NIPAL2: variants seen among roughly 807,000 people sequenced by gnomAD.
The protein encoded by NIPAL2 is NIPA like domain containing 2.
A neutral mutation model predicts 48.9 loss-of-function variants in NIPAL2; 43 were observed. The ratio of observed to expected loss-of-function variants is 0.88; its 90% CI spans 0.69 to 1.13. The LOEUF (loss-of-function observed/expected upper bound fraction) is 1.13, where lower values mean the gene tolerates loss of function less well. Ranked by LOEUF, NIPAL2 falls within the 50% of genes most tolerant of loss-of-function variation. The pLI, the probability that NIPAL2 is intolerant of heterozygous loss-of-function variation, is 0.00. For synonymous variants in NIPAL2, 167 were observed against 174.6 expected, an observed-to-expected ratio of 0.96 and a Z score of 0.34; for missense variants, 446 against 461.4, an observed-to-expected ratio of 0.97 and a Z score of 0.31.
At chr8:98,285,351 C>T (rs772071215) in intron 1 of NIPAL2, among the ~76,000 whole-genome samples, 3 of 152,184 alleles carry the variant, frequency 2.0e-5, no homozygotes, top group East Asian at 1.9e-4. Flanking sequence ...CAGTCCTTCT[C>T]AAGGGTGCCC....
chr8:98,215,903 C>G (rs1292140634), intron 5 of NIPAL2, among the ~76,000 whole-genome samples: 1 of 152,040 alleles, frequency 6.6e-6, no homozygotes, highest in Non-Finnish European at 1.5e-5. Flanking sequence ...GTGGGAAAAA[C>G]CTCAATTAAT....
chr8:98,253,956 A>G, intron 2 of NIPAL2, 63 bp downstream of exon 2: 2 of 1,112,810 alleles, frequency 1.8e-6, no homozygotes, highest in Non-Finnish European at 2.6e-6. Context: ...CCCAATGCCC[A>G]TGAGAGTCAT....
chr8:98,232,170 T>C (rs1812471143), intron 4 of NIPAL2, among the ~76,000 whole-genome samples: 1 of 152,216 alleles, frequency 6.6e-6, no homozygotes, highest in South Asian at 2.1e-4. Flanking sequence ...ACATCTCAGA[T>C]GATGATAATC....
chr8:98,193,331 G>A, intron 10 of NIPAL2: 1 of 1,587,920 alleles, frequency 6.3e-7, no homozygotes, highest in Non-Finnish European at 8.6e-7. Flanking sequence ...CTACATGCTG[G>A]CCATGGAAAT....
rs1810368774 is a variant in NIPAL2 at position 98,193,014 on chromosome 8, T to A, written c.1116A>T (p.Ser372=). The A allele has an allele frequency of 6.2e-7, 1 of 1,614,014 alleles. No individual in the cohort carries two copies. Among genetic ancestry groups the A allele is most frequent in the South Asian group, 1.1e-5 (1 of 91,082 alleles). ...TCTTCTCTCCACTTTGGCTCTTTGTTGAGTCACTTCCATCAGGCAAAGTTC... is the reference window on the plus strand; with the variant it reads ...TCTTCTCTCCACTTTGGCTCTTTGTAGAGTCACTTCCATCAGGCAAAGTTC... ...SYGTLPDGSD[S]TKSQSGEKKE... is the part of the protein sequence containing the mutation. Residue 372 remains serine (S), a synonymous_variant, in exon 11 of 11, where the codon TCA becomes TCT. Transcript: ENST00000430223.
chr8:98,209,602 A>T (rs1225203957), intron 6 of NIPAL2, among the ~76,000 whole-genome samples: 2 of 152,080 alleles, frequency 1.3e-5, no homozygotes, highest in African/African-American at 4.8e-5. Flanking sequence ...TGGGTGACAG[A>T]GCAAGGCTCT....
chr8:98,288,070 A>C (rs988610133), intron 1 of NIPAL2, among the ~76,000 whole-genome samples: 2 of 152,104 alleles, frequency 1.3e-5, no homozygotes, highest in African/African-American at 4.8e-5. Context: ...TTTAAGTTTT[A>C]GGGTACATGT....
intron 1 of NIPAL2, among the ~76,000 whole-genome samples, chr8:98,277,008 G>T (rs185975056): frequency 6.6e-6 from 1 of 151,700 alleles, no homozygotes; most frequent in Admixed American, 6.6e-5. Context: ...GACCTGAAGT[G>T]ATCTGCTCGC....
At chr8:98,282,902 G>A (rs776572805) in intron 1 of NIPAL2, among the ~76,000 whole-genome samples, 2 of 152,168 alleles carry the variant, frequency 1.3e-5, no homozygotes, top group Non-Finnish European at 2.9e-5. Context: ...GTCAGGAGCA[G>A]ATTTTTAATT....
intron 5 of NIPAL2, among the ~76,000 whole-genome samples, chr8:98,215,903 C>T (rs1292140634): frequency 6.6e-6 from 1 of 152,040 alleles, no homozygotes; most frequent in Non-Finnish European, 1.5e-5. Context: ...GTGGGAAAAA[C>T]CTCAATTAAT....
At chr8:98,196,028 A>G (rs1012575329) in intron 8 of NIPAL2, 23 bp from the exon 9 acceptor site, 12 of 1,452,922 alleles carry the variant, frequency 8.3e-6, no homozygotes, top group Admixed American at 6.2e-5. Flanking sequence ...AAAAGAAGAC[A>G]AAATTGATTT....
At chr8:98,265,217 A>T (rs1461369576) in intron 1 of NIPAL2, among the ~76,000 whole-genome samples, 1 of 151,412 alleles carries the variant, frequency 6.6e-6, no homozygotes, top group Non-Finnish European at 1.5e-5. Context: ...GGACATAGGC[A>T]TGGGCAAGGA....
chr8:98,199,920 T>C (rs1428927788), intron 8 of NIPAL2, among the ~76,000 whole-genome samples: 1 of 152,152 alleles, frequency 6.6e-6, no homozygotes, highest in African/African-American at 2.4e-5. Context: ...AGAGATTTTC[T>C]TGGTCCTCCA....
At position 98,193,021 on chromosome 8, in the gene NIPAL2, C is replaced by T. The variant is rs1200411745; in HGVS notation, c.1109G>A (p.Ser370Asn). 1 of 1,613,988 alleles carries T rather than the reference C, an allele frequency of 6.2e-7. No individual in the cohort carries two copies. The highest frequency in any genetic ancestry group is 1.3e-5 in the African/African-American group (1 of 74,944). ...SLSYGTLPDG[S>N]DSTKSQSGEK... ...TCCACTTTGGCTCTTTGTTGAGTCACTTCCATCAGGCAAAGTTCCATAGGA... is the reference window on the plus strand; with the variant it reads ...TCCACTTTGGCTCTTTGTTGAGTCATTTCCATCAGGCAAAGTTCCATAGGA... Residue 370 changes from serine (S) to asparagine (N), a missense_variant, in exon 11 of 11, where the codon AGT becomes AAT. Physicochemically the swap from Ser to Asn is conservative, Grantham distance 46 (BLOSUM62 1). Transcript: ENST00000430223.
chr8:98,200,228 G>A (rs1463727385), intron 8 of NIPAL2, among the ~76,000 whole-genome samples: 1 of 152,138 alleles, frequency 6.6e-6, no homozygotes, highest in African/African-American at 2.4e-5. Flanking sequence ...GGTTCATACT[G>A]TTTTGCAACC....
intron 8 of NIPAL2, among the ~76,000 whole-genome samples, chr8:98,198,780 C>T (rs1810672787): frequency 6.6e-6 from 1 of 152,126 alleles, no homozygotes; most frequent in African/African-American, 2.4e-5. Context: ...AGAGTTACGG[C>T]CTTGCTCTGG....
chr8:98,214,950 C>A (rs1811502633), intron 5 of NIPAL2, among the ~76,000 whole-genome samples: 1 of 152,172 alleles, frequency 6.6e-6, no homozygotes, highest in African/African-American at 2.4e-5. Context: ...AATTTCTGTC[C>A]ATTTCACCAA....
At chr8:98,202,588 G>A (rs1185557445) in intron 8 of NIPAL2, among the ~76,000 whole-genome samples, 4 of 152,166 alleles carry the variant, frequency 2.6e-5, no homozygotes, top group Non-Finnish European at 5.9e-5. Flanking sequence ...CTTGCTATGT[G>A]ACGTGTCTGT....
At chr8:98,195,832 T>C (rs112287492) in intron 9 of NIPAL2, 110 bp downstream of exon 9, 21 of 693,634 alleles carry the variant, frequency 3.0e-5, no homozygotes, top group Non-Finnish European at 4.6e-5. Context: ...CTCAGGAAAC[T>C]GATGTTTCTT....
Sources: allele counts gnomAD v4.1 joint callset (sites outside exome capture counted in the v4.1 genomes callset), GRCh38; gene constraint gnomAD v4.1.1; transcripts MANE v1.5; gene names NCBI Gene and HGNC (gene_info 2026-07-23, HGNC 2026-07-21).